The following R3HDM4 variants were observed in gnomAD, a reference collection of about 807,000 sequenced individuals.
R3HDM4 encodes the protein R3H domain containing 4.
Under a neutral mutation model 31.3 loss-of-function variants are expected in R3HDM4, and 30 were observed. The observed-to-expected ratio is 0.96, with a 90% CI of 0.72 to 1.30. The LOEUF (loss-of-function observed/expected upper bound fraction) is 1.30. R3HDM4 is among the 50% of genes most tolerant of loss of function. R3HDM4 has a pLI of 0.00. For missense variants in R3HDM4, 444 were observed against 366.1 expected, an observed-to-expected ratio of 1.21 and a Z score of -1.74; for synonymous variants, 196 against 156.6, an observed-to-expected ratio of 1.25 and a Z score of -1.88.
At position 913,098 on chromosome 19, in the gene R3HDM4, C is replaced by T; in HGVS notation, c.60G>A (p.Gly20=). The change falls in exon 1 of 8, where the codon GGG becomes GGA. Residue 20 remains glycine, a synonymous_variant. Coordinates refer to ENST00000361574, the MANE Select transcript of R3HDM4 (RefSeq NM_138774.4). This position sits in a 1 kb window ranked among gnomAD's most constrained non-coding sequence, Gnocchi z 5.0. ...GPEAAEGTPG[G]RRLLPLPSCL... is the part of the protein sequence containing the mutation. ...CCGCCCGCGCTCACAGCAGCCGCCGCCCGCCCGGGGTGCCCTCCGCCGCCT... is the reference window on the plus strand; with the variant it reads ...CCGCCCGCGCTCACAGCAGCCGCCGTCCGCCCGGGGTGCCCTCCGCCGCCT... The T allele has an allele frequency of 9.3e-7, 1 of 1,075,880 alleles. No individual in the cohort carries two copies. The highest frequency in any genetic ancestry group is 1.1e-6 in the Non-Finnish European group (1 of 890,200). 66.6% of individuals were successfully genotyped at this position (1,075,880 alleles called of 1,614,324 possible).
Position 907,450 on chromosome 19 carries a change from G to A in R3HDM4, c.72-5320C>T, listed in dbSNP as rs1369024267. Among the ~76,000 whole-genome samples, 2 of 152,142 alleles carry A rather than the reference G, an allele frequency of 1.3e-5. No individual in the cohort carries two copies. Among genetic ancestry groups the A allele is most frequent in the African/African-American group, 4.8e-5 (2 of 41,444 alleles). On this transcript the variant is annotated intron_variant, in intron 1 of 7. Coordinates refer to ENST00000361574, the MANE Select transcript of R3HDM4 (RefSeq NM_138774.4). This position sits in a 1 kb window ranked among gnomAD's most constrained non-coding sequence, Gnocchi z 4.1. ...GAGGGGAGCCCTCGGGGAAGTCAGA[G>A]GGGGCGGGGCTCGGTGACACAGCTC...
intron 1 of R3HDM4, 149 bp downstream of exon 1, chr19:912,938 G>A (rs1292898573): frequency 1.4e-5 from 3 of 210,788 alleles, no homozygotes; most frequent in Non-Finnish European, 2.5e-5. Flanking sequence ...ACAGGCTGAA[G>A]CCCCGGAAGA....
intron 4 of R3HDM4, among the ~76,000 whole-genome samples, chr19:900,602 C>T (rs1213934635): frequency 6.8e-6 from 1 of 147,944 alleles, no homozygotes; most frequent in Admixed American, 6.7e-5. Context: ...ACTCCAGGTC[C>T]CGCCCACACC....
chr19:911,982 G>A lies in R3HDM4; in HGVS notation c.71+1105C>T, dbSNP rs543636342. On this transcript the variant is annotated intron_variant, in intron 1 of 7. Coordinates refer to ENST00000361574, the MANE Select transcript of R3HDM4 (RefSeq NM_138774.4). ...GGCTGGAGCGCATGGCCACGTGGGTGAACCCCGACCCGCGGACAGGGGCCC... is the reference window on the plus strand; with the variant it reads ...GGCTGGAGCGCATGGCCACGTGGGTAAACCCCGACCCGCGGACAGGGGCCC... 5.3e-5 allele frequency among the ~76,000 whole-genome samples: 8 copies of A among 150,478 alleles called. No individual in the cohort carries two copies. The East Asian group carries it at 1.2e-3, about 22-fold the overall frequency.
At chr19:901,045 G>GTGCT in intron 3 of R3HDM4, 93 bp from the exon 4 acceptor site, 1 of 1,430,346 alleles carries the variant, frequency 7.0e-7, no homozygotes, top group Non-Finnish European at 9.4e-7. Flanking sequence ...CGCCAAGCAC[G>GTGCT]TGGACGCGCT....
intron 1 of R3HDM4, among the ~76,000 whole-genome samples, chr19:904,546 G>A (rs1267395014): frequency 2.0e-5 from 3 of 152,026 alleles, no homozygotes; most frequent in South Asian, 2.1e-4. Context: ...AGATTCACTC[G>A]AGGCAAGCTG....
intron 1 of R3HDM4, among the ~76,000 whole-genome samples, chr19:906,882 C>A (rs1345761968): frequency 6.6e-6 from 1 of 152,062 alleles, no homozygotes; most frequent in African/African-American, 2.4e-5. Context: ...GTTGTGCCAT[C>A]TCTGCTCACT....
At chr19:906,963 C>T (rs1637866) in intron 1 of R3HDM4, among the ~76,000 whole-genome samples, 67,709 of 151,774 alleles carry the variant, frequency 0.45, 17,657 homozygotes, top group Non-Finnish European at 0.58. Context: ...TTATAGGCGC[C>T]CACCACCACG....
intron 1 of R3HDM4, among the ~76,000 whole-genome samples, chr19:911,069 C>T (rs1331832433): frequency 1.3e-5 from 2 of 151,094 alleles, no homozygotes; most frequent in Non-Finnish European, 3.0e-5. Context: ...TGCAGTGAGC[C>T]GAGATCGCCC....
intron 1 of R3HDM4, chr19:902,540 G>A (rs1272676068): frequency 5.8e-6 from 1 of 172,492 alleles, no homozygotes; most frequent in Non-Finnish European, 1.3e-5. Flanking sequence ...GCTACTCAGG[G>A]GCCTGAGGCA....
intron 1 of R3HDM4, 130 bp downstream of exon 1, chr19:912,957 G>A (rs2036999024): frequency 7.9e-6 from 2 of 254,066 alleles, no homozygotes; most frequent in African/African-American, 2.3e-5. Context: ...GATGAGCAAC[G>A]GGAGCGAGGG....
At chr19:902,979 C>A (rs1357262228) in intron 1 of R3HDM4, among the ~76,000 whole-genome samples, 2 of 152,048 alleles carry the variant, frequency 1.3e-5, no homozygotes, top group African/African-American at 4.8e-5. Flanking sequence ...GATTAGTAAA[C>A]CGAGGCTCAG....
At chr19:904,655 G>A (rs1021832731) in intron 1 of R3HDM4, among the ~76,000 whole-genome samples, 5 of 152,042 alleles carry the variant, frequency 3.3e-5, no homozygotes, top group South Asian at 2.1e-4. Flanking sequence ...GCAACATCAC[G>A]GTCCCCGCTG....
intron 1 of R3HDM4, among the ~76,000 whole-genome samples, chr19:904,685 A>G (rs992818639): frequency 6.6e-6 from 1 of 152,006 alleles, no homozygotes; most frequent in African/African-American, 2.4e-5. Flanking sequence ...CTGAGGAGGG[A>G]GGATCACTTG....
intron 1 of R3HDM4, among the ~76,000 whole-genome samples, chr19:903,908 G>A (rs570274452): frequency 5.3e-5 from 8 of 152,194 alleles, no homozygotes; most frequent in African/African-American, 1.2e-4. Context: ...AAAATTAGCC[G>A]GGCGTGGTGG....
At chr19:906,037 T>C (rs1198556663) in intron 1 of R3HDM4, among the ~76,000 whole-genome samples, 1 of 151,970 alleles carries the variant, frequency 6.6e-6, no homozygotes, top group Admixed American at 6.6e-5. Flanking sequence ...CCCCCTTTTT[T>C]TTTTTGAGAC....
rs1204389769 is a variant in R3HDM4 at position 913,166 on chromosome 19, C to T, written c.-9G>A. 1.9e-6 allele frequency: 2 copies of T among 1,066,616 alleles called. No homozygotes were observed. The highest frequency in any genetic ancestry group is 2.3e-6 in the Non-Finnish European group (2 of 884,818). 66.1% of individuals were successfully genotyped at this position (1,066,616 alleles called of 1,614,324 possible). A position where few individuals can be genotyped will look rare whatever the true frequency, so the allele number is the denominator to read the frequency against. ...TTCTCCAGCGCGACCATGGCTCGCA[C>T]GCTGTCGCCGCCGCCGCCGCCCGGC... On this transcript the variant is annotated 5_prime_UTR_variant, in exon 1 of 8. In the 5' UTR this introduces an upstream ATG that the reference lacks. Coordinates refer to ENST00000361574, the MANE Select transcript of R3HDM4 (RefSeq NM_138774.4). This position sits in a 1 kb window ranked among gnomAD's most constrained non-coding sequence, Gnocchi z 5.0.
intron 1 of R3HDM4, among the ~76,000 whole-genome samples, chr19:910,372 T>C (rs868029536): frequency 2.7e-5 from 4 of 150,940 alleles, no homozygotes; most frequent in Middle Eastern, 3.5e-3. Flanking sequence ...TGGTCCTAGC[T>C]ACTCGGGAGG....
chr19:901,550 G>A lies in R3HDM4; in HGVS notation c.227-4C>T. 6.2e-7 allele frequency: 1 copy of A among 1,600,896 alleles called. No individual in the cohort carries two copies. Among genetic ancestry groups the A allele is most frequent in the Non-Finnish European group, 8.5e-7 (1 of 1,177,278 alleles). ...AGCAGGGTCAGGAGGTACTGGGCTA[G>A]GTGGAAACAGATGCTCTCTGGGCCG... On this transcript the variant is annotated splice_region_variant and splice_polypyrimidine_tract_variant and intron_variant, in intron 2 of 7. Transcript: ENST00000361574.
Sources: gnomAD v4.1 joint callset for allele counts (sites outside exome capture counted in the v4.1 genomes callset) on GRCh38, gnomAD v4.1.1 for gene constraint, Gnocchi (gnomAD v3.1) non-coding constraint, MANE v1.5 for transcripts, NCBI Gene and HGNC (gene_info 2026-07-23, HGNC 2026-07-21) for gene names.